The following THSD7B variants were observed in gnomAD, a reference collection of about 807,000 sequenced individuals.
The protein encoded by THSD7B is thrombospondin type-1 domain-containing protein 7B.
In THSD7B, 138 loss-of-function variants were observed where a neutral mutation model predicts 213.6. The ratio of observed to expected loss-of-function variants is 0.65; its 90% confidence interval spans 0.56 to 0.74. The LOEUF (loss-of-function observed/expected upper bound fraction) is 0.74. Among genes scored for constraint, THSD7B ranks in the 30% least tolerant of loss-of-function variants. THSD7B has a pLI of 0.00. For missense variants in THSD7B, 1,931 were observed against 1,991.5 expected (o/e 0.97, Z 0.58); for synonymous variants, 742 against 687.0 (o/e 1.08, Z -1.25).
intron 12 of THSD7B, among the ~76,000 whole-genome samples, chr2:137,404,288 C>T (rs149489516): frequency 7.6e-4 from 115 of 151,326 alleles, no homozygotes; most frequent in African/African-American, 2.6e-3. Flanking sequence ...TCCCACTACT[C>T]GGTATCTACC....
chr2:136,847,310 A>G (rs1302134398), intron 1 of THSD7B, among the ~76,000 whole-genome samples: 1 of 152,214 alleles, frequency 6.6e-6, no homozygotes, highest in African/African-American at 2.4e-5. Flanking sequence ...GGAAGTGAAT[A>G]TGCATTAAGG....
chr2:137,037,601 C>T (rs958599561), intron 2 of THSD7B, among the ~76,000 whole-genome samples: 13 of 151,996 alleles, frequency 8.6e-5, no homozygotes, highest in African/African-American at 3.1e-4. Context: ...CTTGATTTGA[C>T]AGGTGGGGAA....
intron 12 of THSD7B, among the ~76,000 whole-genome samples, chr2:137,334,805 T>A (rs1684600079): frequency 6.6e-6 from 1 of 152,204 alleles, no homozygotes; most frequent in South Asian, 2.1e-4. Context: ...CCTTGGATTG[T>A]AATAATCCCC....
At chr2:137,501,876 T>A (rs1018294546) in intron 15 of THSD7B, among the ~76,000 whole-genome samples, 2 of 152,210 alleles carry the variant, frequency 1.3e-5, no homozygotes. Flanking sequence ...CTTTCCCCAG[T>A]GAACGATGTT....
intron 15 of THSD7B, among the ~76,000 whole-genome samples, chr2:137,561,329 G>A (rs1681115018): frequency 6.6e-6 from 1 of 152,096 alleles, no homozygotes; most frequent in Non-Finnish European, 1.5e-5. Context: ...GAGGGAAGGT[G>A]AAAATCTAAG....
intron 20 of THSD7B, among the ~76,000 whole-genome samples, chr2:137,629,828 A>T (rs1682706153): frequency 6.6e-6 from 1 of 152,116 alleles, no homozygotes; most frequent in Admixed American, 6.6e-5. Context: ...TTGGGGCAGG[A>T]TGGTGCCATA....
chr2:137,078,280 T>C (rs544551221), intron 3 of THSD7B, among the ~76,000 whole-genome samples: 1 of 152,358 alleles, frequency 6.6e-6, no homozygotes, highest in South Asian at 2.1e-4. Context: ...GCTTTGTTCT[T>C]TTGGCTTAGG....
chr2:137,413,714 CT>C (rs1686725456), intron 14 of THSD7B, among the ~76,000 whole-genome samples: 1 of 152,282 alleles, frequency 6.6e-6, no homozygotes, highest in Admixed American at 6.5e-5. Context: ...TATGTGGAAT[CT>C]TGTGAGACAA....
chr2:137,592,248 A>G (rs914513419), intron 17 of THSD7B, among the ~76,000 whole-genome samples: 4 of 151,892 alleles, frequency 2.6e-5, no homozygotes, highest in African/African-American at 9.7e-5. Context: ...CATATCAAAA[A>G]ATATGTAGCT....
chr2:137,246,904 G>A (rs138218739), intron 10 of THSD7B, among the ~76,000 whole-genome samples: 322 of 152,050 alleles, frequency 2.1e-3, no homozygotes, highest in African/African-American at 6.9e-3. Context: ...TTTTTTCAAT[G>A]GACTGATGTC....
chr2:136,918,105 G>C (rs1317780603), intron 2 of THSD7B, among the ~76,000 whole-genome samples: 1 of 152,014 alleles, frequency 6.6e-6, no homozygotes, highest in African/African-American at 2.4e-5. Flanking sequence ...GGATTTTGGT[G>C]GGGGCAGGGG....
intron 2 of THSD7B, among the ~76,000 whole-genome samples, chr2:136,990,005 T>C (rs970309834): frequency 1.3e-5 from 2 of 152,218 alleles, no homozygotes; most frequent in Admixed American, 1.3e-4. Context: ...CTTTCTTTTC[T>C]TGTTTTAAAA....
intron 2 of THSD7B, among the ~76,000 whole-genome samples, chr2:136,990,094 T>C (rs1026307531): frequency 1.3e-5 from 2 of 152,230 alleles, no homozygotes; most frequent in Non-Finnish European, 2.9e-5. Context: ...AGAGAAAATA[T>C]AATGCAATTT....
chr2:137,558,017 A>G (rs1280819852), intron 15 of THSD7B, among the ~76,000 whole-genome samples: 1 of 152,224 alleles, frequency 6.6e-6, no homozygotes, highest in African/African-American at 2.4e-5. Flanking sequence ...AACCAGGAAG[A>G]AGTTGAATTC....
At chr2:137,193,864 G>A (rs188912941) in intron 7 of THSD7B, among the ~76,000 whole-genome samples, 1 of 150,758 alleles carries the variant, frequency 6.6e-6, no homozygotes, top group East Asian at 1.9e-4. Flanking sequence ...ACATAAACTT[G>A]TGCATCCTAG....
chr2:137,059,602 T>C (rs954807003), intron 3 of THSD7B, among the ~76,000 whole-genome samples: 9 of 152,174 alleles, frequency 5.9e-5, no homozygotes, highest in African/African-American at 1.9e-4. Flanking sequence ...TTTTGCCTTT[T>C]TAAAAAATGT....
intron 1 of THSD7B, among the ~76,000 whole-genome samples, chr2:136,844,441 A>G (rs1682967805): frequency 6.8e-6 from 1 of 148,136 alleles, no homozygotes; most frequent in African/African-American, 2.5e-5. Flanking sequence ...GCTGGCACCA[A>G]GGAGGAGAGG....
chr2:137,053,074 C>G (rs955146986), intron 2 of THSD7B, among the ~76,000 whole-genome samples: 1 of 152,062 alleles, frequency 6.6e-6, no homozygotes, highest in South Asian at 2.1e-4. Context: ...TGTGTCTTAC[C>G]TCATAAGAGC....
At chr2:137,123,092 T>A (rs959581769) in intron 5 of THSD7B, among the ~76,000 whole-genome samples, 1 of 152,182 alleles carries the variant, frequency 6.6e-6, no homozygotes, top group Non-Finnish European at 1.5e-5. Flanking sequence ...CCTTTTACCA[T>A]CTTCTTTCTT....
Sources: gnomAD v4.1 joint callset for allele counts (sites outside exome capture counted in the v4.1 genomes callset) on GRCh38, gnomAD v4.1.1 for gene constraint, MANE v1.5 for transcripts, NCBI Gene and HGNC (gene_info 2026-07-23, HGNC 2026-07-21) for gene names.